Variants in NAA50 observed in about 807,000 individuals in gnomAD.
The protein encoded by NAA50 is N-alpha-acetyltransferase 50, NatE catalytic subunit.
A neutral mutation model predicts 20.7 loss-of-function variants in NAA50; 7 were observed. The ratio of observed to expected loss-of-function variants is 0.34; its 90% CI spans 0.19 to 0.63. The LOEUF is 0.63. NAA50 is among the 30% of genes least tolerant of loss of function. The pLI, the probability that NAA50 is intolerant of heterozygous loss-of-function variation, is 0.75. For synonymous variants in NAA50, 54 were observed against 70.6 expected (o/e 0.77, Z 1.18); for missense variants, 111 against 199.1 (o/e 0.56, Z 2.66).
Position 113,744,515 on chromosome 3 carries a change from G to A in NAA50, c.8+1427C>T, listed in dbSNP as rs1008579038. Among the ~76,000 whole-genome samples, 3 of 151,640 alleles carry A rather than the reference G, an allele frequency of 2.0e-5. No homozygotes were observed. In the East Asian group the frequency reaches 5.8e-4, roughly 29 times the overall value. On this transcript the variant is annotated intron_variant, in intron 1 of 4. Coordinates refer to ENST00000240922, the MANE Select transcript of NAA50 (RefSeq NM_025146.4). Reference sequence around the variant, plus strand: ...AAAACAAAAGGAGTGCAGTATAGCAGAAAAACAACATTCTCCAAATATGTT... The same window carrying A: ...AAAACAAAAGGAGTGCAGTATAGCAAAAAAACAACATTCTCCAAATATGTT...
At chr3:113,736,887 GCCTGTTT>G (rs1708350474) in intron 1 of NAA50, among the ~76,000 whole-genome samples, 1 of 152,132 alleles carries the variant, frequency 6.6e-6, no homozygotes, top group Non-Finnish European at 1.5e-5. Flanking sequence ...AAAGCTTAAA[GCCTGTTT>G]ATACTTTTAG....
chr3:113,738,098 G>A (rs1027715200), intron 1 of NAA50, among the ~76,000 whole-genome samples: 3 of 152,146 alleles, frequency 2.0e-5, no homozygotes, highest in Non-Finnish European at 4.4e-5. Context: ...ATGCCTGCAA[G>A]TATCAGAGGT....
At chr3:113,726,486 TA>T (rs67748316) in intron 1 of NAA50, among the ~76,000 whole-genome samples, 55,235 of 141,508 alleles carry the variant, frequency 0.39, 10,048 homozygotes, top group African/African-American at 0.44. Context: ...ACCATTCACA[TA>T]AAAAAAAAAA....
chr3:113,727,890 T>C (rs1048536665), intron 1 of NAA50, among the ~76,000 whole-genome samples: 7 of 152,194 alleles, frequency 4.6e-5, no homozygotes, highest in Non-Finnish European at 7.4e-5. Flanking sequence ...GTTCACTTAA[T>C]GTAACCTTGT....
chr3:113,738,437 C>A (rs576993903), intron 1 of NAA50, among the ~76,000 whole-genome samples: 106 of 152,348 alleles, frequency 7.0e-4, no homozygotes, highest in African/African-American at 2.5e-3. Flanking sequence ...CCTCTACAAT[C>A]TATGAAGAGC....
chr3:113,724,510 T>G (rs1466079432), intron 1 of NAA50: 1 of 153,124 alleles, frequency 6.5e-6, no homozygotes, highest in Non-Finnish European at 1.5e-5. Flanking sequence ...GCACATTCTA[T>G]TCATGAAAAC....
At chr3:113,738,048 G>GA (rs907783458) in intron 1 of NAA50, among the ~76,000 whole-genome samples, 5 of 151,958 alleles carry the variant, frequency 3.3e-5, no homozygotes, top group African/African-American at 9.7e-5. Flanking sequence ...CTATTTCTTT[G>GA]AAAAAAGCGA....
chr3:113,731,261 C>T (rs1028948742), intron 1 of NAA50, among the ~76,000 whole-genome samples: 2 of 152,012 alleles, frequency 1.3e-5, no homozygotes, highest in Admixed American at 6.6e-5. Context: ...GAATTTTTAC[C>T]AGTCTATGGC....
At chr3:113,742,808 T>C (rs2566971) in intron 1 of NAA50, among the ~76,000 whole-genome samples, 11 of 152,220 alleles carry the variant, frequency 7.2e-5, no homozygotes, top group African/African-American at 2.7e-4. Flanking sequence ...GTTAAAGACA[T>C]TTTTTATTAG....
chr3:113,733,936 C>T (rs1230073426), intron 1 of NAA50, among the ~76,000 whole-genome samples: 1 of 148,228 alleles, frequency 6.7e-6, no homozygotes, highest in African/African-American at 2.5e-5. Flanking sequence ...AAGGATACTA[C>T]ATCTAGAGTT....
chr3:113,736,054 G>A (rs149892021), intron 1 of NAA50, among the ~76,000 whole-genome samples: 2 of 152,292 alleles, frequency 1.3e-5, no homozygotes, highest in East Asian at 3.9e-4. Context: ...TAAATGAAAC[G>A]ATTTTACATA....
chr3:113,742,230 A>G (rs1708426612), intron 1 of NAA50, among the ~76,000 whole-genome samples: 1 of 152,142 alleles, frequency 6.6e-6, no homozygotes, highest in Non-Finnish European at 1.5e-5. Context: ...TTGCTGAAAA[A>G]CAAAACAGCA....
At chr3:113,744,517 A>G (rs1041670231) in intron 1 of NAA50, among the ~76,000 whole-genome samples, 2 of 152,266 alleles carry the variant, frequency 1.3e-5, no homozygotes, top group East Asian at 3.9e-4. Flanking sequence ...GTATAGCAGA[A>G]AAACAACATT....
chr3:113,728,602 A>T (rs1421482431), intron 1 of NAA50, among the ~76,000 whole-genome samples: 1 of 152,260 alleles, frequency 6.6e-6, no homozygotes, highest in Non-Finnish European at 1.5e-5. Flanking sequence ...ATGCTTGTGT[A>T]TAAATGCGGA....
In NAA50 at chr3:113,745,953, C is replaced by T; in HGVS notation, c.-4G>A. On this transcript the variant is annotated 5_prime_UTR_variant, in exon 1 of 5. Coordinates refer to ENST00000240922, the MANE Select transcript of NAA50 (RefSeq NM_025146.4). Reference sequence around the variant, plus strand: ...CTGCCCTTCCTCACCCTTTCATCTTCCCCGCCTGCTGAGGCCGTCGTTACC... The same window carrying T: ...CTGCCCTTCCTCACCCTTTCATCTTTCCCGCCTGCTGAGGCCGTCGTTACC... 2 of 1,606,558 alleles carry T rather than the reference C, an allele frequency of 1.2e-6. No individual in the cohort carries two copies. The highest frequency in any genetic ancestry group is 1.1e-5 in the South Asian group (1 of 90,812).
At chr3:113,729,100 C>A (rs1233802202) in intron 1 of NAA50, among the ~76,000 whole-genome samples, 1 of 152,058 alleles carries the variant, frequency 6.6e-6, no homozygotes, top group Non-Finnish European at 1.5e-5. Context: ...ATCCTCCTGC[C>A]TCAGCCTCCT....
At chr3:113,742,271 T>C (rs1708427115) in intron 1 of NAA50, among the ~76,000 whole-genome samples, 1 of 152,186 alleles carries the variant, frequency 6.6e-6, no homozygotes, top group South Asian at 2.1e-4. Flanking sequence ...TTGTTTTGTT[T>C]TGTTTTTTAA....
chr3:113,721,978 G>A, intron 4 of NAA50, 41 bp from the exon 5 acceptor site: 2 of 1,575,148 alleles, frequency 1.3e-6, no homozygotes, highest in South Asian at 2.3e-5. Context: ...TTAAAATTAA[G>A]GTTTCATCAA....
intron 1 of NAA50, chr3:113,739,589 C>T (rs1197351527): frequency 6.6e-6 from 1 of 152,212 alleles, no homozygotes; most frequent in African/African-American, 2.4e-5. Flanking sequence ...CAGAATATAG[C>T]TTGCACTAGC....
Sources: gnomAD v4.1 joint callset for allele counts (sites outside exome capture counted in the v4.1 genomes callset) on GRCh38, gnomAD v4.1.1 for gene constraint, MANE v1.5 for transcripts, NCBI Gene and HGNC (gene_info 2026-07-23, HGNC 2026-07-21) for gene names.